The following TDRD3 variants were observed in gnomAD, a reference collection of about 807,000 sequenced individuals.
TDRD3 encodes tudor domain-containing protein 3.
TDRD3 carries 45 observed loss-of-function variants against 86.7 expected under a neutral mutation model. The observed-to-expected ratio is 0.52, with a 90% confidence interval of 0.41 to 0.67. TDRD3 has a LOEUF of 0.67. TDRD3 is among the 30% of genes least tolerant of loss of function. The probability of loss-of-function intolerance (pLI) is 0.00; values close to 1 mark genes in which losing one functional copy is unlikely to be tolerated. For synonymous variants in TDRD3, 298 were observed against 301.7 expected, an observed-to-expected ratio of 0.99 and a Z score of 0.13; for missense variants, 814 against 889.0, an observed-to-expected ratio of 0.92 and a Z score of 1.07.
intron 12 of TDRD3, among the ~76,000 whole-genome samples, chr13:60,551,552 T>G (rs1417831331): frequency 1.3e-5 from 2 of 152,144 alleles, no homozygotes; most frequent in Non-Finnish European, 2.9e-5. Context: ...CCAAATTACC[T>G]CTCTAGGAAG....
intron 7 of TDRD3, 85 bp downstream of exon 7, chr13:60,486,033 A>G: frequency 7.4e-7 from 1 of 1,345,234 alleles, no homozygotes; most frequent in Non-Finnish European, 9.8e-7. Flanking sequence ...CTTTTCATAT[A>G]AGCTAACTAA....
At chr13:60,470,437 A>AT (rs1481089778) in intron 5 of TDRD3, among the ~76,000 whole-genome samples, 3 of 152,076 alleles carry the variant, frequency 2.0e-5, no homozygotes, top group African/African-American at 7.2e-5. Context: ...TTTTTGAAGA[A>AT]TTGCCATACT....
chr13:60,420,158 C>G (rs567932314), intron 1 of TDRD3, among the ~76,000 whole-genome samples: 2 of 151,896 alleles, frequency 1.3e-5, no homozygotes, highest in East Asian at 1.9e-4. Context: ...TAATTATTTC[C>G]ATAAAGGTTA....
In TDRD3 at chr13:60,485,922, A is replaced by C. The variant is rs1278844028; in HGVS notation, c.691A>C (p.Ile231Leu). Residue 231 changes from isoleucine (I) to leucine (L), a missense_variant, in exon 7 of 14, where the codon ATT becomes CTT. Coordinates refer to ENST00000377881, the MANE Select transcript of TDRD3 (RefSeq NM_001146070.2). ...DEFEKQRTAA[I>L]AEVAKSKETK... ...ATTTGAAAAGCAAAGGACGGCTGCT[A>C]TTGCTGAAGTTGCAAAGAGCAAGGA... is the stretch of plus-strand genomic sequence containing the variant. 6.2e-7 allele frequency: 1 copy of C among 1,609,234 alleles called. No homozygotes were observed.
At chr13:60,507,936 A>T (rs1956973682) in intron 8 of TDRD3, among the ~76,000 whole-genome samples, 2 of 152,234 alleles carry the variant, frequency 1.3e-5, no homozygotes, top group Admixed American at 1.3e-4. Flanking sequence ...CTCAGGATAC[A>T]AAGCCAATGT....
At chr13:60,560,126 A>G (rs187199277) in intron 12 of TDRD3, among the ~76,000 whole-genome samples, 3 of 152,250 alleles carry the variant, frequency 2.0e-5, no homozygotes, top group Admixed American at 6.5e-5. Context: ...ATGGAAATAT[A>G]TACCGTATGA....
At chr13:60,512,165 T>C (rs144467722) in intron 10 of TDRD3, among the ~76,000 whole-genome samples, 2 of 152,222 alleles carry the variant, frequency 1.3e-5, no homozygotes, top group African/African-American at 4.8e-5. Context: ...AACAAGTCAC[T>C]TATTATGTAG....
rs189716106 is a variant in TDRD3 at position 60,397,864 on chromosome 13, G to A, written c.41+459G>A. Among the ~76,000 whole-genome samples the A allele has an allele frequency of 2.9e-3, 445 of 152,246 alleles. 3 individuals carry two copies. Among genetic ancestry groups the A allele is most frequent in the African/African-American group, 0.01 (431 of 41,582 alleles). ...CGCGGCCGGAGCCCGCGGGCCCATA[G>A]GAAGTTGAGGGCAGAGCAGAGCACA... On this transcript the variant is annotated intron_variant, in intron 1 of 13. Coordinates refer to ENST00000377881, the MANE Select transcript of TDRD3 (RefSeq NM_001146070.2).
In TDRD3 at chr13:60,568,930, C is replaced by T. The variant is rs995811826; in HGVS notation, c.*9+1280C>T. ...ACAAAATCAACATACAAAAATGCTACTATTTCTATATGTCAACCGCAATTG... is the reference window on the plus strand; with the variant it reads ...ACAAAATCAACATACAAAAATGCTATTATTTCTATATGTCAACCGCAATTG... On this transcript the variant is annotated intron_variant, in intron 13 of 13. Coordinates refer to ENST00000377881, the MANE Select transcript of TDRD3 (RefSeq NM_001146070.2). Among the ~76,000 whole-genome samples, 4 of 152,154 alleles carry T rather than the reference C, an allele frequency of 2.6e-5. No individual in the cohort carries two copies. In the South Asian group the frequency reaches 6.2e-4, roughly 24 times the overall value.
At chr13:60,516,734 G>T (rs1435921747) in intron 10 of TDRD3, among the ~76,000 whole-genome samples, 2 of 152,204 alleles carry the variant, frequency 1.3e-5, no homozygotes, top group African/African-American at 4.8e-5. Flanking sequence ...CTTGGCATCA[G>T]CAACAGCAGC....
chr13:60,401,440 C>CTT (rs1156785299), intron 1 of TDRD3, among the ~76,000 whole-genome samples: 6 of 152,066 alleles, frequency 3.9e-5, no homozygotes, highest in Non-Finnish European at 8.8e-5. Context: ...CATCAGTAGA[C>CTT]TTTGTTATCT....
chr13:60,566,192 GA>G (rs1242314492), intron 12 of TDRD3, among the ~76,000 whole-genome samples: 1 of 151,424 alleles, frequency 6.6e-6, no homozygotes, highest in Non-Finnish European at 1.5e-5. Flanking sequence ...TACTGTCTTA[GA>G]AGTATTAGGG....
At chr13:60,402,939 A>G (rs961870060) in intron 1 of TDRD3, among the ~76,000 whole-genome samples, 4 of 152,180 alleles carry the variant, frequency 2.6e-5, no homozygotes, top group Non-Finnish European at 4.4e-5. Context: ...TTTAATGAAC[A>G]TTTGTAACTA....
chr13:60,548,777 T>A (rs1348885382), intron 12 of TDRD3, among the ~76,000 whole-genome samples: 1 of 148,474 alleles, frequency 6.7e-6, no homozygotes, highest in Admixed American at 6.7e-5. Flanking sequence ...ATATGGGTAC[T>A]CTTATACATT....
intron 8 of TDRD3, among the ~76,000 whole-genome samples, chr13:60,507,679 A>G (rs1158368765): frequency 1.3e-5 from 2 of 152,228 alleles, no homozygotes; most frequent in Non-Finnish European, 2.9e-5. Context: ...TCTGGGACAC[A>G]TTTAAAGCAA....
At position 60,524,025 on chromosome 13, in the gene TDRD3, C is replaced by T. The variant is rs117028514; in HGVS notation, c.1142-4342C>T. 5.0e-3 allele frequency among the ~76,000 whole-genome samples: 759 copies of T among 151,738 alleles called. 3 individuals are homozygous for T. The highest frequency in any genetic ancestry group is 0.024 in the Middle Eastern group (7 of 292). ...AATGTGATGCATTGTACTCTGCTGA[C>T]TGTACAGAAAAATATCTTAGTATAT... is the stretch of plus-strand genomic sequence containing the variant. On this transcript the variant is annotated intron_variant, in intron 10 of 13. Transcript: ENST00000377881.
At chr13:60,542,109 T>C (rs2137853220) in intron 12 of TDRD3, among the ~76,000 whole-genome samples, 1 of 152,268 alleles carries the variant, frequency 6.6e-6, no homozygotes, top group Non-Finnish European at 1.5e-5. Flanking sequence ...ATCTTATTTT[T>C]CCCTTTGATA....
chr13:60,503,625 G>A (rs928702687), intron 8 of TDRD3, among the ~76,000 whole-genome samples: 7 of 152,134 alleles, frequency 4.6e-5, no homozygotes, highest in African/African-American at 1.7e-4. Context: ...GAACCATCCA[G>A]AAAGCAAGGT....
At chr13:60,513,761 G>C (rs1271285589) in intron 10 of TDRD3, among the ~76,000 whole-genome samples, 6 of 152,204 alleles carry the variant, frequency 3.9e-5, no homozygotes, top group African/African-American at 1.4e-4. Flanking sequence ...CATAAGATGT[G>C]ACTTGCTCCT....
Sources: allele counts gnomAD v4.1 joint callset (sites outside exome capture counted in the v4.1 genomes callset), GRCh38; gene constraint gnomAD v4.1.1; transcripts MANE v1.5; gene names NCBI Gene and HGNC (gene_info 2026-07-23, HGNC 2026-07-21).